TEDC1: variants seen among roughly 807,000 people sequenced by gnomAD.
TEDC1 encodes tubulin epsilon and delta complex protein 1.
Under a neutral mutation model 59.9 loss-of-function variants are expected in TEDC1, and 54 were observed. The observed-to-expected ratio is 0.90, with a 90% CI of 0.72 to 1.13. The LOEUF is 1.13. Ranked by LOEUF, TEDC1 falls within the 50% of genes most tolerant of loss-of-function variation. TEDC1 has a pLI of 0.00. For missense variants in TEDC1, 734 were observed against 683.4 expected (o/e 1.07, Z -0.83); for synonymous variants, 353 against 298.1 (o/e 1.18, Z -1.90).
intron 5 of TEDC1, chr14:105,495,095 A>C (rs993666292): frequency 6.6e-6 from 1 of 152,076 alleles, no homozygotes; most frequent in East Asian, 1.9e-4. Context: ...CTGGTCTCGA[A>C]CTCCTGACCT....
At chr14:105,492,478 A>G in intron 3 of TEDC1, 101 bp from the exon 4 acceptor site, 3 of 1,462,628 alleles carry the variant, frequency 2.1e-6, no homozygotes, top group Non-Finnish European at 2.7e-6. Context: ...TGCAGGGAGC[A>G]CCCGTTGTTT....
rs781995112 is a variant in TEDC1 at position 105,492,613 on chromosome 14, C to A, written c.464C>A (p.Pro155His). The change falls in exon 4 of 9, where the codon CCC becomes CAC. Residue 155 changes from proline to histidine, a missense_variant. Transcript: ENST00000392523. ...CTGGCCAGCCCTGGCCCACCTGCAC[C>A]CCACATGGAAGCAGAGGGTCCTGTG... The part of the protein sequence containing the change: ...EALASPGPPA[P>H]HMEAEGPVDV... The A allele has an allele frequency of 2.1e-5, 32 of 1,541,814 alleles. No homozygotes were observed. Among genetic ancestry groups the A allele is most frequent in the Non-Finnish European group, 2.8e-5 (32 of 1,146,870 alleles).
chr14:105,497,455 C>A lies in TEDC1; in HGVS notation c.978+12C>A, dbSNP rs587685890. 19 of 1,542,902 alleles carry A rather than the reference C, an allele frequency of 1.2e-5. No homozygotes were observed. Among genetic ancestry groups the A allele is most frequent in the Non-Finnish European group, 1.7e-5 (19 of 1,146,826 alleles). On this transcript the variant is annotated intron_variant, in intron 7 of 8. Transcript: ENST00000392523. ...TCTGGCGGTGGATGGTGAGGAAGCC[C>A]GCGCATCCCTCTCCCGGCATCCCTT...
At chr14:105,494,052 GTC>G (rs2084285326) in intron 5 of TEDC1, 119 bp downstream of exon 5, 4 of 749,794 alleles carry the variant, frequency 5.3e-6, no homozygotes, top group Non-Finnish European at 4.4e-6. Context: ...AGCGGTGGGT[GTC>G]TCTGCATGTC....
chr14:105,497,756 C>A, intron 7 of TEDC1, 42 bp from the exon 8 acceptor site: 2 of 1,489,244 alleles, frequency 1.3e-6, no homozygotes, highest in Non-Finnish European at 1.8e-6. Context: ...GTCCCTCTGT[C>A]CCCTTGGCTT....
chr14:105,494,184 G>A (rs896950565), intron 5 of TEDC1: 22 of 561,424 alleles, frequency 3.9e-5, no homozygotes, highest in East Asian at 1.5e-4. Context: ...GGCCCAGGAC[G>A]CAGGAGCCTG....
At position 105,498,117 on chromosome 14, in the gene TEDC1, G is replaced by A; in HGVS notation, c.1158+140G>A. On this transcript the variant is annotated intron_variant, in intron 8 of 8. Coordinates refer to ENST00000392523, the MANE Select transcript of TEDC1 (RefSeq NM_001367178.1). The stretch of plus-strand genomic sequence containing the variant: ...GGACACACTTAGAGGCACGTACCCT[G>A]AGGGAGCGGGAGGGCACCTGGTGAG... 2.9e-6 allele frequency: 3 copies of A among 1,042,910 alleles called. No individual in the cohort carries two copies. The East Asian group carries it at 8.7e-5, about 30-fold the overall frequency. The allele number at this position is 1,042,910 out of a possible 1,614,324, so 64.6% of individuals were successfully genotyped here.
At chr14:105,491,742 C>T (rs2084215565) in intron 2 of TEDC1, 42 bp downstream of exon 2, 1 of 1,525,146 alleles carries the variant, frequency 6.6e-7, no homozygotes, top group Non-Finnish European at 8.8e-7. Flanking sequence ...TAGCACTGGC[C>T]CCGCCTACTC....
chr14:105,497,671 C>A, intron 7 of TEDC1, 127 bp from the exon 8 acceptor site: 1 of 1,270,862 alleles, frequency 7.9e-7, no homozygotes, highest in Non-Finnish European at 1.1e-6. Context: ...CCTCCCTGGA[C>A]GTCACAGTTG....
Position 105,493,864 on chromosome 14 carries a change from C to T in TEDC1, c.615C>T (p.Ser205=), listed in dbSNP as rs1243629114. 31 of 1,606,728 alleles carry T rather than the reference C, an allele frequency of 1.9e-5. No homozygotes were observed. Among genetic ancestry groups the T allele is most frequent in the Admixed American group, 3.3e-5 (2 of 59,890 alleles). The change falls in exon 5 of 9, where the codon AGC becomes AGT. Residue 205 remains serine, a synonymous_variant. Transcript: ENST00000392523. ...ACCTGTACACACGCGGCTGCCACAG[C>T]GACCAGAGCCTTAGCCATCTGTCTG... The part of the protein sequence containing the change: ...KIHLYTRGCH[S]DQSLSHLSVT...
In TEDC1 at chr14:105,497,380, G is replaced by A. The variant is rs1555440628; in HGVS notation, c.915G>A (p.Glu305=). The stretch of plus-strand genomic sequence containing the variant: ...AGCTGCTGCGGACTCTGGAGCGTGA[G>A]AACCAGCGCCTGGAGGCTGTCCTGG... ...FRALLRTLER[E]NQRLEAVLAW... Residue 305 remains glutamate (E), a synonymous_variant, in exon 7 of 9, where the codon GAG becomes GAA. Transcript: ENST00000392523. 6.4e-7 allele frequency: 1 copy of A among 1,552,228 alleles called. No homozygotes were observed. Among genetic ancestry groups the A allele is most frequent in the Admixed American group, 2.0e-5 (1 of 51,266 alleles).
chr14:105,493,784 G>T (rs1555439950), intron 4 of TEDC1, 51 bp from the exon 5 acceptor site: 1 of 1,330,264 alleles, frequency 7.5e-7, no homozygotes, highest in Non-Finnish European at 1.1e-6. Context: ...CTCAGCGTTG[G>T]GGGAGGTGCT....
upstream of TEDC1, chr14:105,490,206 G>A (rs892543383): frequency 6.6e-6 from 1 of 152,166 alleles, no homozygotes; most frequent in African/African-American, 2.4e-5. Flanking sequence ...CCTGGAAGAG[G>A]AGGTCGGGGG....
upstream of TEDC1, chr14:105,491,083 C>T (rs782609819): frequency 3.2e-6 from 5 of 1,551,304 alleles, no homozygotes; most frequent in African/African-American, 1.4e-5. Context: ...CGGGACCCTG[C>T]CGACGCAGTG....
chr14:105,490,837 A>G, upstream of TEDC1: 1 of 645,402 alleles, frequency 1.5e-6, no homozygotes, highest in Non-Finnish European at 2.8e-6. Context: ...CGCCTTCCGG[A>G]GTCTGCGCGC....
In TEDC1 at chr14:105,499,097, ACT is replaced by A. The variant is rs1464689512; in HGVS notation, c.*154_*155del. 5.9e-6 allele frequency: 5 copies of A among 851,156 alleles called. No homozygotes were observed. The highest frequency in any genetic ancestry group is 1.8e-5 in the South Asian group (1 of 55,594). 52.7% of individuals were successfully genotyped at this position (851,156 alleles called of 1,614,324 possible). On this transcript the variant is annotated 3_prime_UTR_variant, in exon 9 of 9. Transcript: ENST00000392523. ...TCGCTCCAGGGGTGGGGCTGGGCTGACTCTGGCCGGATCCCAGGCCTGTGGCT... is the reference window on the plus strand; with the variant it reads ...TCGCTCCAGGGGTGGGGCTGGGCTGACTGGCCGGATCCCAGGCCTGTGGCT...
intron 3 of TEDC1, 111 bp from the exon 4 acceptor site, chr14:105,492,468 T>C: frequency 3.4e-6 from 5 of 1,456,616 alleles, no homozygotes; most frequent in Non-Finnish European, 4.6e-6. Context: ...AGGCTCCCTG[T>C]GCAGGGAGCA....
At chr14:105,496,146 G>GGGCCCCCCCCC in intron 6 of TEDC1, 60 bp downstream of exon 6, 1 of 331,608 alleles carries the variant, frequency 3.0e-6, no homozygotes. Flanking sequence ...GGGTGGGAGG[G>GGGCCCCCCCCC]GGTGGCGAGG....
In TEDC1 at chr14:105,499,075, C is replaced by T. The variant is rs1473696534; in HGVS notation, c.*129C>T. On this transcript the variant is annotated 3_prime_UTR_variant, in exon 9 of 9. Transcript: ENST00000392523. ...ATGCAGAGCCCACGTCACATGCTCG[C>T]TCCAGGGGTGGGGCTGGGCTGACTC... The T allele has an allele frequency of 3.9e-6, 4 of 1,038,822 alleles. No individual in the cohort carries two copies. The East Asian group carries it at 7.8e-5, about 20-fold the overall frequency. The allele number at this position is 1,038,822 out of a possible 1,614,324, so 64.4% of individuals were successfully genotyped here.
Sources: allele counts gnomAD v4.1 joint callset, GRCh38; gene constraint gnomAD v4.1.1; transcripts MANE v1.5; gene names NCBI Gene and HGNC (gene_info 2026-07-23, HGNC 2026-07-21).